MTERF3: variants seen among roughly 807,000 people sequenced by gnomAD.
MTERF3 encodes the protein transcription termination factor 3, mitochondrial.
In MTERF3, 40 loss-of-function variants were observed where a neutral mutation model predicts 40.5. The observed-to-expected ratio is 0.99, with a 90% CI of 0.77 to 1.29. The LOEUF (loss-of-function observed/expected upper bound fraction) is 1.29, where lower values mean the gene tolerates loss of function less well. MTERF3 is among the 50% of genes most tolerant of loss of function. The probability of loss-of-function intolerance (pLI) is 0.00; values close to 1 mark genes in which losing one functional copy is unlikely to be tolerated. For missense variants in MTERF3, 452 were observed against 478.2 expected (o/e 0.95, Z 0.51); for synonymous variants, 158 against 166.6 (o/e 0.95, Z 0.40).
intron 6 of MTERF3, 35 bp downstream of exon 6, chr8:96,245,825 A>ATT: frequency 6.3e-7 from 1 of 1,582,794 alleles, no homozygotes; most frequent in Middle Eastern, 1.7e-4. Flanking sequence ...ACACTTAAAG[A>ATT]AACTGATTTC....
intron 3 of MTERF3, among the ~76,000 whole-genome samples, chr8:96,253,991 G>C (rs552893221): frequency 6.6e-6 from 1 of 152,126 alleles, no homozygotes; most frequent in Non-Finnish European, 1.5e-5. Context: ...CTGGGTGACA[G>C]AGCAAGACCC....
At chr8:96,242,378 C>G (rs906658827) in intron 7 of MTERF3, among the ~76,000 whole-genome samples, 2 of 152,116 alleles carry the variant, frequency 1.3e-5, no homozygotes, top group African/African-American at 4.8e-5. Flanking sequence ...TGGAAAGCTC[C>G]TCTCCATCTT....
chr8:96,255,694 G>A (rs962739512), intron 3 of MTERF3, among the ~76,000 whole-genome samples: 1 of 150,060 alleles, frequency 6.7e-6, no homozygotes, highest in Non-Finnish European at 1.5e-5. Context: ...ACAGAGCACA[G>A]ATTTTTCTCT....
chr8:96,250,988 C>G lies in MTERF3; in HGVS notation c.595G>C (p.Gly199Arg), dbSNP rs1810174066. The change falls in exon 4 of 8, where the codon GGT (glycine) becomes CGT (arginine). Residue 199 changes from glycine to arginine, a missense_variant. Physicochemically the swap from Gly to Arg is moderately radical, Grantham distance 125. Transcript: ENST00000287025. ...KQMLLFLKDV[G>R]IEDNQLGAFL... Reference sequence around the variant, plus strand: ...GCTCCCAGTTGGTTATCCTCTATACCCACATCTTTAAGAAACAGAAGCATT... The same window carrying G: ...GCTCCCAGTTGGTTATCCTCTATACGCACATCTTTAAGAAACAGAAGCATT... 6.2e-7 allele frequency: 1 copy of G among 1,606,788 alleles called. No homozygotes were observed. Among genetic ancestry groups the G allele is most frequent in the South Asian group, 1.1e-5 (1 of 89,046 alleles).
intron 6 of MTERF3, among the ~76,000 whole-genome samples, chr8:96,244,649 C>T (rs1044802014): frequency 3.3e-5 from 5 of 152,202 alleles, no homozygotes; most frequent in African/African-American, 1.2e-4. Context: ...GATCTGCCCA[C>T]CTCGGCCTCC....
intron 4 of MTERF3, among the ~76,000 whole-genome samples, chr8:96,250,698 G>A (rs1250759863): frequency 4.4e-5 from 4 of 90,678 alleles, no homozygotes; most frequent in African/African-American, 9.2e-5. Flanking sequence ...AGGAGGAGGG[G>A]GGGAGGGGGA....
rs1452920540 is a variant in MTERF3, at chr8:96,240,901, A to G, written c.1060-1216T>C. On this transcript the variant is annotated intron_variant, in intron 7 of 7. Transcript: ENST00000287025. ...AGCAATTGTTGAAAACCAAAGTACT[A>G]TGAGAAGAGTGACTAAAAAAAGCAC... 2.6e-5 allele frequency among the ~76,000 whole-genome samples: 4 copies of G among 152,128 alleles called. 1 individual carries two copies. Among genetic ancestry groups the G allele is most frequent in the South Asian group, 4.1e-4 (2 of 4,824 alleles).
In MTERF3 at chr8:96,244,121, T is replaced by C. The variant is rs757032036; in HGVS notation, c.898-41A>G. 12 of 1,551,734 alleles carry C rather than the reference T, an allele frequency of 7.7e-6. No individual in the cohort carries two copies. In the East Asian group the frequency reaches 2.7e-4, roughly 35 times the overall value. On this transcript the variant is annotated intron_variant, in intron 6 of 7. Transcript: ENST00000287025. ...TTTGCTATGAATCGTTATGTAGAAA[T>C]AGTTATTTTGGTACCATGGCAAGGC...
At chr8:96,256,180 G>A (rs16894384) in intron 3 of MTERF3, among the ~76,000 whole-genome samples, 7,949 of 152,242 alleles carry the variant, frequency 0.052, 689 homozygotes, top group African/African-American at 0.18. Context: ...AAGTTTGGAC[G>A]GAGATCCCCT....
rs760818906 is a variant in MTERF3, at chr8:96,245,904, T to C, written c.853A>G (p.Arg285Gly). ...GGTTCCAGACTTCCAGTTAGCAGCC[T>C]TGGGAGACGAACTACCAGATCTCTA... Reference protein sequence around the residue: ...KTRDLVVRLPRLLTGSLEPVK... With the variant: ...KTRDLVVRLPGLLTGSLEPVK... Residue 285 changes from arginine to glycine, a missense_variant, in exon 6 of 8, where the codon AGG becomes GGG. By Grantham distance (125) the Arg-to-Gly change is moderately radical. Transcript: ENST00000287025. 9 of 1,613,958 alleles carry C rather than the reference T, an allele frequency of 5.6e-6. No homozygotes were observed. The African/African-American group carries it at 1.1e-4, about 19-fold the overall frequency.
intron 1 of MTERF3, among the ~76,000 whole-genome samples, chr8:96,260,604 C>T (rs1586175503): frequency 6.6e-6 from 1 of 152,208 alleles, no homozygotes; most frequent in Admixed American, 6.5e-5. Context: ...ATCCCAAATT[C>T]ATCCTGAAGC....
At chr8:96,242,144 A>G (rs10112328) in intron 7 of MTERF3, among the ~76,000 whole-genome samples, 80,770 of 152,034 alleles carry the variant, frequency 0.53, 23,063 homozygotes, top group African/African-American at 0.74. Context: ...ATATCAGCCC[A>G]TTCACAGCCT....
chr8:96,256,433 C>A (rs1026830674), intron 3 of MTERF3, among the ~76,000 whole-genome samples: 12 of 152,034 alleles, frequency 7.9e-5, no homozygotes, highest in Non-Finnish European at 2.9e-5. Flanking sequence ...ACCCCAGAAA[C>A]AAACAAACAA....
chr8:96,240,798 G>A (rs1014151257), intron 7 of MTERF3, among the ~76,000 whole-genome samples: 4 of 151,480 alleles, frequency 2.6e-5, no homozygotes, highest in Non-Finnish European at 4.4e-5. Context: ...CACGGGATGC[G>A]TTCACATAAC....
chr8:96,252,385 G>A (rs1372076025), intron 3 of MTERF3, among the ~76,000 whole-genome samples: 4 of 151,828 alleles, frequency 2.6e-5, no homozygotes, highest in Admixed American at 6.6e-5. Context: ...TATCTTATAC[G>A]GAAATTAATT....
Position 96,251,083 on chromosome 8 carries a change from G to A in MTERF3, c.500C>T (p.Ser167Phe), listed in dbSNP as rs772760384. 1.9e-6 allele frequency: 3 copies of A among 1,579,724 alleles called. No homozygotes were observed. The Admixed American group carries it at 6.3e-5, about 33-fold the overall frequency. The change falls in exon 4 of 8, where the codon TCC (serine) becomes TTC (phenylalanine). Residue 167 changes from serine to phenylalanine, a missense_variant. Physicochemically the swap from Ser to Phe is radical, Grantham distance 155. Coordinates refer to ENST00000287025, the MANE Select transcript of MTERF3 (RefSeq NM_015942.5). ...TGCTTCTGGATGTTTTTCTATCTTG[G>A]ACAAATCCACGCCTATAATAAATTA... ...QKLVLLGVDL[S>F]KIEKHPEAAN... is the part of the protein sequence containing the mutation.
chr8:96,245,340 G>T (rs367601816), intron 6 of MTERF3, among the ~76,000 whole-genome samples: 38 of 152,324 alleles, frequency 2.5e-4, no homozygotes, highest in African/African-American at 7.2e-4. Context: ...TTGGAGGAAG[G>T]ACAGTAAAGA....
At chr8:96,246,269 C>A in intron 5 of MTERF3, 38 bp downstream of exon 5, 1 of 1,557,438 alleles carries the variant, frequency 6.4e-7, no homozygotes, top group Non-Finnish European at 8.6e-7. Flanking sequence ...TAAAATGTAC[C>A]TGACATGGAA....
At chr8:96,255,639 GAAAAAAA>G (rs754843989) in intron 3 of MTERF3, among the ~76,000 whole-genome samples, 5 of 57,060 alleles carry the variant, frequency 8.8e-5, no homozygotes, top group South Asian at 5.5e-4. Context: ...CCAGTCTGAA[GAAAAAAA>G]AAAAAAAAAA....
Sources: gnomAD v4.1 joint callset for allele counts (sites outside exome capture counted in the v4.1 genomes callset) on GRCh38, gnomAD v4.1.1 for gene constraint, MANE v1.5 for transcripts, NCBI Gene and HGNC (gene_info 2026-07-23, HGNC 2026-07-21) for gene names.